RHEX: variants seen among roughly 807,000 people sequenced by gnomAD.
RHEX encodes regulator of hemoglobinization and erythroid cell expansion protein.
RHEX carries 18 observed loss-of-function variants against 20.1 expected under a neutral mutation model. The observed-to-expected ratio is 0.90, with a 90% confidence interval of 0.62 to 1.33. The LOEUF (loss-of-function observed/expected upper bound fraction) is 1.33. Among genes scored for constraint, RHEX ranks in the 40% most tolerant of loss-of-function variants. The pLI is 0.00. For synonymous variants in RHEX, 87 were observed against 77.1 expected (o/e 1.13, Z -0.67); for missense variants, 192 against 214.3 (o/e 0.90, Z 0.65).
chr1:206,061,966 C>T (rs1553283347), intron 1 of RHEX: 1 of 151,718 alleles, frequency 6.6e-6, no homozygotes, highest in African/African-American at 2.4e-5. Flanking sequence ...TATCCCAGCA[C>T]TTTGGGAGGC....
chr1:206,076,227 T>A (rs1349820962), intron 1 of RHEX, among the ~76,000 whole-genome samples: 1 of 151,862 alleles, frequency 6.6e-6, no homozygotes, highest in Non-Finnish European at 1.5e-5. Context: ...TGGTCACAGC[T>A]CACTGCAGCC....
rs782212633 is a variant in RHEX at position 206,088,760 on chromosome 1, A to G, written c.-96-8973A>G. On this transcript the variant is annotated intron_variant, in intron 1 of 5. Coordinates refer to ENST00000331555, the MANE Select transcript of RHEX (RefSeq NM_001007544.4). The stretch of plus-strand genomic sequence containing the variant: ...TTGGGTGTGTTATTACTGAACTACT[A>G]TGATGAGAAAGAAGTTTAATGACCC... 1.8e-4 allele frequency among the ~76,000 whole-genome samples: 28 copies of G among 152,332 alleles called. 1 individual carries two copies. The highest frequency in any genetic ancestry group is 7.8e-4 in the Admixed American group (12 of 15,296).
chr1:206,081,257 C>T (rs1383733057), intron 1 of RHEX, among the ~76,000 whole-genome samples: 6 of 152,214 alleles, frequency 3.9e-5, no homozygotes, highest in African/African-American at 1.4e-4. Flanking sequence ...ATGCCACAAA[C>T]ATGTATCGAG....
chr1:206,100,551 A>G (rs1484835530), intron 4 of RHEX, among the ~76,000 whole-genome samples: 1 of 152,198 alleles, frequency 6.6e-6, no homozygotes, highest in East Asian at 1.9e-4. Flanking sequence ...CTGGAGAGGC[A>G]CTGGCCTTAC....
At chr1:206,082,513 G>A (rs764478174) in intron 1 of RHEX, among the ~76,000 whole-genome samples, 7 of 147,942 alleles carry the variant, frequency 4.7e-5, no homozygotes, top group Non-Finnish European at 7.4e-5. Context: ...GAGAGACTCC[G>A]TCTCAAAAAA....
chr1:206,088,460 A>T (rs1324308421), intron 1 of RHEX, among the ~76,000 whole-genome samples: 3 of 152,186 alleles, frequency 2.0e-5, no homozygotes, highest in Non-Finnish European at 4.4e-5. Flanking sequence ...AGGTGGGTGG[A>T]TCACTTGAGG....
intron 1 of RHEX, chr1:206,060,839 T>C (rs1571851537): frequency 1.3e-5 from 2 of 152,124 alleles, no homozygotes; most frequent in East Asian, 1.9e-4. Context: ...AGAGAGTGAG[T>C]TGAACAAGCT....
chr1:206,062,612 T>C (rs1662328172), intron 1 of RHEX, among the ~76,000 whole-genome samples: 1 of 152,128 alleles, frequency 6.6e-6, no homozygotes, highest in Non-Finnish European at 1.5e-5. Context: ...TGCTGGACAA[T>C]ATGCCAGATG....
At chr1:206,095,178 T>C (rs1553287520) in intron 1 of RHEX, among the ~76,000 whole-genome samples, 1 of 151,840 alleles carries the variant, frequency 6.6e-6, no homozygotes, top group African/African-American at 2.4e-5. Context: ...ACCGTAAAAC[T>C]CAAAGGTGGC....
chr1:206,064,841 A>G (rs1205360641), intron 1 of RHEX, among the ~76,000 whole-genome samples: 1 of 151,940 alleles, frequency 6.6e-6, no homozygotes, highest in African/African-American at 2.4e-5. Flanking sequence ...GAGAGTGGGG[A>G]AAGGTGGGGA....
chr1:206,090,321 T>C (rs1167563640), intron 1 of RHEX, among the ~76,000 whole-genome samples: 1 of 149,044 alleles, frequency 6.7e-6, no homozygotes, highest in Non-Finnish European at 1.5e-5. Context: ...TTCTCCTGCC[T>C]CAGCCTCCAG....
At chr1:206,076,972 G>A (rs1662646318) in intron 1 of RHEX, among the ~76,000 whole-genome samples, 1 of 152,196 alleles carries the variant, frequency 6.6e-6, no homozygotes, top group African/African-American at 2.4e-5. Context: ...CCACCAGCTG[G>A]GATTGTGCCT....
At chr1:206,073,102 T>C (rs1253725969) in intron 1 of RHEX, among the ~76,000 whole-genome samples, 1 of 152,064 alleles carries the variant, frequency 6.6e-6, no homozygotes, top group Admixed American at 6.5e-5. Context: ...CCTCCCAAAG[T>C]GCTGAGATTA....
At chr1:206,054,126 C>A (rs76780098) in intron 1 of RHEX, among the ~76,000 whole-genome samples, 75 of 142,236 alleles carry the variant, frequency 5.3e-4, no homozygotes, top group East Asian at 6.0e-4. Flanking sequence ...TGGTTATCTT[C>A]AAAAAAAAAA....
chr1:206,069,352 G>A lies in RHEX; in HGVS notation c.-97+16087G>A, dbSNP rs868949707. The stretch of plus-strand genomic sequence containing the variant: ...CTGCTGTTGAGAAAACCTACCGCAG[G>A]ATCTTACTGGGCTTCATAGGTAAGC... On this transcript the variant is annotated intron_variant, in intron 1 of 5. Transcript: ENST00000331555. Among the ~76,000 whole-genome samples, 19 of 152,298 alleles carry A rather than the reference G, an allele frequency of 1.2e-4. No individual in the cohort carries two copies. In the Middle Eastern group the frequency reaches 0.01, roughly 82 times the overall value.
chr1:206,098,992 C>T (rs1663131780), intron 3 of RHEX, among the ~76,000 whole-genome samples: 1 of 152,154 alleles, frequency 6.6e-6, no homozygotes, highest in Non-Finnish European at 1.5e-5. Context: ...AAAAGGCTAA[C>T]CTTTGAGTAT....
chr1:206,102,150 A>G lies in RHEX; in HGVS notation c.*198A>G, dbSNP rs1197359213. ...TGGACTCCTGGTCTGTACCCAAAAA[A>G]GCTGTTCGTTCCTCAAAAACAAAAA... On this transcript the variant is annotated 3_prime_UTR_variant, in exon 6 of 6. Coordinates refer to ENST00000331555, the MANE Select transcript of RHEX (RefSeq NM_001007544.4). The G allele has an allele frequency of 1.7e-6, 1 of 597,866 alleles. No homozygotes were observed. Among genetic ancestry groups the G allele is most frequent in the East Asian group, 2.7e-5 (1 of 36,646 alleles). The allele number at this position is 597,866 out of a possible 1,614,324, so 37.0% of individuals were successfully genotyped here. A position where few individuals can be genotyped will look rare whatever the true frequency, so the allele number is the denominator to read the frequency against.
chr1:206,087,953 A>G (rs1662870909), intron 1 of RHEX, among the ~76,000 whole-genome samples: 1 of 152,220 alleles, frequency 6.6e-6, no homozygotes, highest in Non-Finnish European at 1.5e-5. Flanking sequence ...ATAAATATGG[A>G]TAATTTTCAC....
intron 1 of RHEX, among the ~76,000 whole-genome samples, chr1:206,072,498 C>A (rs570401400): frequency 2.0e-5 from 3 of 152,202 alleles, no homozygotes; most frequent in South Asian, 2.1e-4. Context: ...ATAGCTTCAA[C>A]CTGGGAGGCG....
Sources: gnomAD v4.1 joint callset for allele counts (sites outside exome capture counted in the v4.1 genomes callset) on GRCh38, gnomAD v4.1.1 for gene constraint, MANE v1.5 for transcripts, NCBI Gene and HGNC (gene_info 2026-07-23, HGNC 2026-07-21) for gene names.